RASSF2: variants seen among roughly 807,000 people sequenced by gnomAD.
RASSF2 encodes Ras association domain family member 2.
In RASSF2, 34 loss-of-function variants were observed where a neutral mutation model predicts 46.3. The observed-to-expected ratio is 0.73, with a 90% CI of 0.56 to 0.98. RASSF2 has a LOEUF of 0.98. Ranked by LOEUF, RASSF2 falls within the 50% of genes least tolerant of loss-of-function variation. RASSF2 has a pLI of 0.00. For synonymous variants in RASSF2, 158 were observed against 162.5 expected (o/e 0.97, Z 0.21); for missense variants, 364 against 431.2 (o/e 0.84, Z 1.38).
intron 2 of RASSF2, among the ~76,000 whole-genome samples, chr20:4,821,005 GC>G (rs1195410278): frequency 6.6e-6 from 1 of 152,100 alleles, no homozygotes; most frequent in Non-Finnish European, 1.5e-5. Context: ...GCGTCGTCCA[GC>G]CCTCTGAGGC....
rs543027126 is a variant in RASSF2, at chr20:4,815,750, C to T, written c.-33+6579G>A. Among the ~76,000 whole-genome samples the T allele has an allele frequency of 3.3e-5, 5 of 152,348 alleles. No individual in the cohort carries two copies. The South Asian group carries it at 1.0e-3, about 32-fold the overall frequency. Reference sequence around the variant, plus strand: ...GATTAAGCAGCAGTGGGTCTGGGCCCCAAGGGCCAGCTGCCAGCAGCCAGC... The same window carrying T: ...GATTAAGCAGCAGTGGGTCTGGGCCTCAAGGGCCAGCTGCCAGCAGCCAGC... On this transcript the variant is annotated intron_variant, in intron 2 of 11. Coordinates refer to ENST00000379400, the MANE Select transcript of RASSF2 (RefSeq NM_014737.3).
chr20:4,821,878 C>T (rs1435258029), intron 2 of RASSF2, among the ~76,000 whole-genome samples: 1 of 152,214 alleles, frequency 6.6e-6, no homozygotes, highest in African/African-American at 2.4e-5. Flanking sequence ...GGAGAAAACA[C>T]AGCTACTGCC....
chr20:4,804,581 T>G (rs1927185946), intron 2 of RASSF2, among the ~76,000 whole-genome samples: 1 of 152,174 alleles, frequency 6.6e-6, no homozygotes, highest in Admixed American at 6.5e-5. Flanking sequence ...TCAGGTGATC[T>G]GCCCGCCTCG....
chr20:4,790,604 C>G lies in RASSF2; in HGVS notation c.384G>C (p.Arg128Ser), dbSNP rs370756464. The G allele has an allele frequency of 6.6e-7, 1 of 1,520,264 alleles. No homozygotes were observed. Among genetic ancestry groups the G allele is most frequent in the Admixed American group, 2.6e-5 (1 of 38,292 alleles). The allele number at this position is 1,520,264 out of a possible 1,614,324, so 94.2% of individuals were successfully genotyped here. A position where few individuals can be genotyped will look rare whatever the true frequency, so the allele number is the denominator to read the frequency against. Residue 128 changes from arginine (R) to serine (S), a missense_variant, in exon 7 of 12, where the codon AGG becomes AGC. Physicochemically the swap from Arg to Ser is moderately radical, Grantham distance 110 (BLOSUM62 -1). Coordinates refer to ENST00000379400, the MANE Select transcript of RASSF2 (RefSeq NM_014737.3). The surrounding 1 kb of genome is among the most constrained non-coding windows in gnomAD (Gnocchi z 4.3). ...TGTCCTCCTGCAGGGGCTTCAGGCC[C>G]CTGGAGTCTGAGAGAGGAGAGGGAA... ...GDQMPSSTDSRGLKPLQEDTP... is the reference protein window; with the variant it reads ...GDQMPSSTDSSGLKPLQEDTP...
intron 2 of RASSF2, among the ~76,000 whole-genome samples, chr20:4,817,276 G>A (rs910670149): frequency 6.6e-6 from 1 of 152,022 alleles, no homozygotes; most frequent in African/African-American, 2.4e-5. Context: ...ATAATGCTGC[G>A]AGGGACATCC....
chr20:4,819,478 T>C (rs1928552526), intron 2 of RASSF2, among the ~76,000 whole-genome samples: 1 of 152,100 alleles, frequency 6.6e-6, no homozygotes, highest in Non-Finnish European at 1.5e-5. Flanking sequence ...TGCAAGGGAA[T>C]TCTTAGAGAC....
chr20:4,782,462 G>A lies in RASSF2; in HGVS notation c.*1811C>T, dbSNP rs2422978. 106,867 of 152,692 alleles carry A rather than the reference G, an allele frequency of 0.7. 37,580 individuals are homozygous for A. Among genetic ancestry groups the A allele is most frequent in the Non-Finnish European group, 0.73 (49,839 of 68,054 alleles). 9.5% of individuals were successfully genotyped at this position (152,692 alleles called of 1,614,324 possible). A position where few individuals can be genotyped will look rare whatever the true frequency, so the allele number is the denominator to read the frequency against. ...GGCTACTCTTTGTCTTCTTACCCCA[G>A]TTCTGTGCAGCTTGCAGAAGCCCTT... On this transcript the variant is annotated 3_prime_UTR_variant, in exon 12 of 12. Transcript: ENST00000379400.
At chr20:4,791,265 G>A (rs1274672041) in intron 6 of RASSF2, among the ~76,000 whole-genome samples, 1 of 152,120 alleles carries the variant, frequency 6.6e-6, no homozygotes, top group African/African-American at 2.4e-5. Flanking sequence ...GAAGGATGTG[G>A]GGAGCTATTG....
At chr20:4,813,196 C>T (rs1356747152) in intron 2 of RASSF2, among the ~76,000 whole-genome samples, 4 of 152,174 alleles carry the variant, frequency 2.6e-5, no homozygotes, top group African/African-American at 7.2e-5. Flanking sequence ...AGGCACAGCC[C>T]CTTCCTGGCA....
chr20:4,817,239 C>T (rs1928389626), intron 2 of RASSF2, among the ~76,000 whole-genome samples: 1 of 152,154 alleles, frequency 6.6e-6, no homozygotes, highest in Non-Finnish European at 1.5e-5. Flanking sequence ...CTCCATTTGT[C>T]ACTATGGAGT....
intron 2 of RASSF2, among the ~76,000 whole-genome samples, chr20:4,808,168 A>G (rs868745412): frequency 2.0e-5 from 3 of 152,208 alleles, no homozygotes; most frequent in Non-Finnish European, 2.9e-5. Context: ...GGCCTTGGAG[A>G]CAGGGATTCA....
At chr20:4,805,506 C>G (rs906287915) in intron 2 of RASSF2, among the ~76,000 whole-genome samples, 1 of 152,250 alleles carries the variant, frequency 6.6e-6, no homozygotes, top group Admixed American at 6.5e-5. Flanking sequence ...TTCAAGACTT[C>G]TGGACTCCAG....
At chr20:4,797,872 C>A in intron 4 of RASSF2, 138 bp downstream of exon 4, 1 of 1,402,202 alleles carries the variant, frequency 7.1e-7, no homozygotes, top group South Asian at 1.5e-5. Flanking sequence ...CCAAAGAACC[C>A]CAAGGACTCT....
intron 3 of RASSF2, among the ~76,000 whole-genome samples, chr20:4,798,624 A>G (rs1926580990): frequency 6.6e-6 from 1 of 151,994 alleles, no homozygotes; most frequent in Non-Finnish European, 1.5e-5. Flanking sequence ...CAGGAGTTTG[A>G]GACCAGCCTG....
At chr20:4,784,439 G>T (rs1238542528) in intron 11 of RASSF2, 97 bp from the exon 12 acceptor site, 1 of 1,152,484 alleles carries the variant, frequency 8.7e-7, no homozygotes, top group Non-Finnish European at 1.3e-6. Context: ...GTCACACCAG[G>T]TAACAGTGCA....
intron 11 of RASSF2, among the ~76,000 whole-genome samples, chr20:4,785,861 T>C (rs915641455): frequency 3.3e-5 from 5 of 152,328 alleles, no homozygotes; most frequent in African/African-American, 1.2e-4. Flanking sequence ...GGAGTGAGCA[T>C]CTGTCTCCTG....
intron 2 of RASSF2, 112 bp downstream of exon 2, chr20:4,822,217 C>T (rs916645221): frequency 6.6e-6 from 1 of 152,236 alleles, no homozygotes; most frequent in African/African-American, 2.4e-5. Context: ...TAATTCTTTC[C>T]TCCCATTGTA....
At chr20:4,805,810 C>T (rs1023598421) in intron 2 of RASSF2, among the ~76,000 whole-genome samples, 6 of 152,182 alleles carry the variant, frequency 3.9e-5, no homozygotes, top group South Asian at 2.1e-4. Context: ...GGTGTGCTGC[C>T]GGATGAAACG....
At chr20:4,792,887 AG>A (rs1926025710) in intron 5 of RASSF2, 1 of 580,398 alleles carries the variant, frequency 1.7e-6, no homozygotes, top group Non-Finnish European at 2.9e-6. Flanking sequence ...CAGCAACTGC[AG>A]TAACACACCC....
Sources: allele counts gnomAD v4.1 joint callset (sites outside exome capture counted in the v4.1 genomes callset), GRCh38; gene constraint gnomAD v4.1.1; non-coding constraint Gnocchi (gnomAD v3.1); transcripts MANE v1.5; gene names NCBI Gene and HGNC (gene_info 2026-07-23, HGNC 2026-07-21).